The following NR3C1 variants were observed in gnomAD, a reference collection of about 807,000 sequenced individuals.
NR3C1 encodes nuclear receptor subfamily 3 group C member 1, also known as glucocorticoid receptor.
NR3C1 carries 14 observed loss-of-function variants against 74.0 expected under a neutral mutation model. The ratio of observed to expected loss-of-function variants is 0.19; its 90% CI spans 0.12 to 0.30. The LOEUF is 0.30. NR3C1 is among the 10% of genes least tolerant of loss of function. The probability of loss-of-function intolerance (pLI) is 1.00; values close to 1 mark genes in which losing one functional copy is unlikely to be tolerated. For synonymous variants in NR3C1, 308 were observed against 332.5 expected (o/e 0.93, Z 0.80); for missense variants, 695 against 909.8 (o/e 0.76, Z 3.04).
At chr5:143,367,146 C>T (rs1376537783) in intron 2 of NR3C1, among the ~76,000 whole-genome samples, 1 of 152,026 alleles carries the variant, frequency 6.6e-6, no homozygotes, top group Non-Finnish European at 1.5e-5. Flanking sequence ...CATAAAAGAC[C>T]AGAAAAACAC....
At chr5:143,323,863 G>C (rs1269167556) in intron 2 of NR3C1, among the ~76,000 whole-genome samples, 1 of 152,046 alleles carries the variant, frequency 6.6e-6, no homozygotes, top group African/African-American at 2.4e-5. Flanking sequence ...GGGGTTACGG[G>C]GCCCATGCAA....
intron 2 of NR3C1, among the ~76,000 whole-genome samples, chr5:143,381,534 C>T (rs1836239939): frequency 6.6e-6 from 1 of 152,104 alleles, no homozygotes; most frequent in African/African-American, 2.4e-5. Context: ...CATTATCTGA[C>T]TTCAAATTAT....
chr5:143,386,149 C>A (rs1321293321), intron 2 of NR3C1, among the ~76,000 whole-genome samples: 1 of 152,168 alleles, frequency 6.6e-6, no homozygotes, highest in Non-Finnish European at 1.5e-5. Context: ...CATTTTCAAG[C>A]AACCAGATCT....
chr5:143,315,104 T>C (rs552089146), intron 2 of NR3C1, among the ~76,000 whole-genome samples: 5 of 148,472 alleles, frequency 3.4e-5, no homozygotes, highest in Non-Finnish European at 6.1e-5. Context: ...ACAATGGATA[T>C]ATACTTTTCA....
intron 4 of NR3C1, among the ~76,000 whole-genome samples, chr5:143,307,522 T>C (rs1819898397): frequency 6.6e-6 from 1 of 152,204 alleles, no homozygotes; most frequent in Non-Finnish European, 1.5e-5. Context: ...ACTCCAAAGA[T>C]CTTAAACTTT....
chr5:143,319,782 T>C (rs1218342839), intron 2 of NR3C1, among the ~76,000 whole-genome samples: 1 of 151,604 alleles, frequency 6.6e-6, no homozygotes, highest in African/African-American at 2.4e-5. Flanking sequence ...CATAAAGCTT[T>C]AAGCAACATA....
intron 2 of NR3C1, among the ~76,000 whole-genome samples, chr5:143,350,785 CTAGAGAAG>C (rs1205773812): frequency 7.2e-5 from 11 of 152,130 alleles, no homozygotes; most frequent in African/African-American, 2.4e-4. Context: ...TGCCAAGAGG[CTAGAGAAG>C]TAGAAGGAGG....
At chr5:143,332,868 A>AC (rs2151707514) in intron 2 of NR3C1, 3 of 1,460,490 alleles carry the variant, frequency 2.1e-6, no homozygotes, top group East Asian at 2.3e-5. Context: ...TGTAAAAGTT[A>AC]CCCCCTAGAA....
intron 2 of NR3C1, among the ~76,000 whole-genome samples, chr5:143,383,674 A>G (rs1397456192): frequency 1.3e-5 from 2 of 152,190 alleles, no homozygotes; most frequent in African/African-American, 4.8e-5. Flanking sequence ...AAGCAGAGAG[A>G]AGGAGCCTGA....
chr5:143,292,623 A>G (rs1408005515), intron 7 of NR3C1, among the ~76,000 whole-genome samples: 2 of 152,188 alleles, frequency 1.3e-5, no homozygotes, highest in Non-Finnish European at 2.9e-5. Flanking sequence ...GAAGTTAGAA[A>G]TTTTGTGGGG....
chr5:143,395,539 A>T (rs948882264), intron 2 of NR3C1, among the ~76,000 whole-genome samples: 4 of 151,900 alleles, frequency 2.6e-5, no homozygotes, highest in African/African-American at 9.7e-5. Flanking sequence ...TCTTGATGAA[A>T]ATATTACCAG....
Position 143,278,402 on chromosome 5 carries a change from GAA to G in NR3C1, c.*3485_*3486del, listed in dbSNP as rs2151462954. 6.6e-6 allele frequency: 1 copy of G among 152,236 alleles called. No individual in the cohort carries two copies. The highest frequency in any genetic ancestry group is 2.4e-5 in the African/African-American group (1 of 41,536). 9.4% of individuals were successfully genotyped at this position (152,236 alleles called of 1,614,324 possible). ...GGTATTTTCATACAGCCTTTCATCA[GAA>G]AATAAAATCCTTTCAGACATTTTCT... is the stretch of plus-strand genomic sequence containing the variant. On this transcript the variant is annotated 3_prime_UTR_variant, in exon 9 of 9. Transcript: ENST00000394464.
upstream of NR3C1, among the ~76,000 whole-genome samples, chr5:143,408,029 C>G (rs900788946): frequency 3.3e-5 from 5 of 152,198 alleles, no homozygotes; most frequent in South Asian, 2.1e-4. Flanking sequence ...AGATAACTTG[C>G]AAACTTTAAA....
intron 2 of NR3C1, among the ~76,000 whole-genome samples, chr5:143,337,462 A>C (rs1827364970): frequency 6.6e-6 from 1 of 152,230 alleles, no homozygotes; most frequent in African/African-American, 2.4e-5. Flanking sequence ...CCATCAATAG[A>C]TATGTATTCA....
Position 143,304,974 on chromosome 5 carries a change from G to A in NR3C1, c.1469-4211C>T, listed in dbSNP as rs529514349. 4.1e-4 allele frequency among the ~76,000 whole-genome samples: 63 copies of A among 152,202 alleles called. No homozygotes were observed. In the Middle Eastern group the frequency reaches 0.01, roughly 25 times the overall value. The stretch of plus-strand genomic sequence containing the variant: ...AGAAAACCTAGGAAATAACCTTCTC[G>A]ACATTGGCCTTGGGAAAGAATTTAT... On this transcript the variant is annotated intron_variant, in intron 4 of 8. Coordinates refer to ENST00000394464, the MANE Select transcript of NR3C1 (RefSeq NM_000176.3).
At chr5:143,354,940 G>GA (rs914113644) in intron 2 of NR3C1, among the ~76,000 whole-genome samples, 2 of 140,260 alleles carry the variant, frequency 1.4e-5, no homozygotes, top group Non-Finnish European at 3.1e-5. Flanking sequence ...AAAAAAAAAA[G>GA]AAAAAATCAA....
intron 7 of NR3C1, among the ~76,000 whole-genome samples, chr5:143,286,966 A>G (rs2151493711): frequency 6.6e-6 from 1 of 152,212 alleles, no homozygotes; most frequent in African/African-American, 2.4e-5. Context: ...AGATATGGAA[A>G]ATCCCCAAAT....
intron 2 of NR3C1, among the ~76,000 whole-genome samples, chr5:143,383,561 GA>G (rs1836642090): frequency 6.6e-6 from 1 of 152,228 alleles, no homozygotes; most frequent in African/African-American, 2.4e-5. Flanking sequence ...GCTGCCAGAG[GA>G]TACCATCAGA....
intron 1 of NR3C1, among the ~76,000 whole-genome samples, chr5:143,432,677 G>GT (rs1252463270): frequency 1.3e-5 from 2 of 152,188 alleles, no homozygotes; most frequent in Non-Finnish European, 2.9e-5. Context: ...TGAATTCAAT[G>GT]TTTTTCTTTA....
Sources: gnomAD v4.1 joint callset for allele counts (sites outside exome capture counted in the v4.1 genomes callset) on GRCh38, gnomAD v4.1.1 for gene constraint, MANE v1.5 for transcripts, NCBI Gene and HGNC (gene_info 2026-07-23, HGNC 2026-07-21) for gene names.